The following METTL25 variants were observed in gnomAD, a reference collection of about 807,000 sequenced individuals.
The protein encoded by METTL25 is methyltransferase like 25, also known as probable methyltransferase-like protein 25.
A neutral mutation model predicts 71.6 loss-of-function variants in METTL25; 64 were observed. That is an observed-to-expected ratio of 0.89 (90% CI 0.73 to 1.10). The LOEUF is 1.10. METTL25 is among the 50% of genes least tolerant of loss of function. The probability of loss-of-function intolerance (pLI) is 0.00; values close to 1 mark genes in which losing one functional copy is unlikely to be tolerated. For missense variants in METTL25, 807 were observed against 707.0 expected (o/e 1.14, Z -1.60); for synonymous variants, 287 against 250.3 (o/e 1.15, Z -1.38).
chr12:82,358,966 C>G (rs756649192), intron 1 of METTL25, 142 bp downstream of exon 1: 6 of 800,026 alleles, frequency 7.5e-6, no homozygotes, highest in South Asian at 5.1e-5. Flanking sequence ...GAGGAGGGGT[C>G]GGATTAGTTG....
intron 8 of METTL25, among the ~76,000 whole-genome samples, chr12:82,456,440 T>G (rs1411106959): frequency 6.6e-6 from 1 of 151,976 alleles, no homozygotes; most frequent in Non-Finnish European, 1.5e-5. Context: ...TGGAAACTTT[T>G]GAAAGACCAA....
intron 9 of METTL25, among the ~76,000 whole-genome samples, chr12:82,459,368 C>T (rs1891705880): frequency 6.6e-6 from 1 of 152,166 alleles, no homozygotes; most frequent in Non-Finnish European, 1.5e-5. Context: ...TGGCTCACAC[C>T]TGTAATCCCA....
At chr12:82,422,900 T>C (rs773955222) in intron 5 of METTL25, among the ~76,000 whole-genome samples, 1 of 152,054 alleles carries the variant, frequency 6.6e-6, no homozygotes, top group Non-Finnish European at 1.5e-5. Context: ...TAAAAGAGGA[T>C]ACAAACAAAT....
rs545160060 is a variant in METTL25, at chr12:82,358,603, T to C, written c.38T>C (p.Leu13Pro). Residue 13 changes from leucine to proline, a missense_variant, in exon 1 of 12, where the codon CTG becomes CCG. By Grantham distance (98) the Leu-to-Pro change is moderately conservative. Coordinates refer to ENST00000248306, the MANE Select transcript of METTL25 (RefSeq NM_032230.3). ...ASCPLPVTPD[L>P]PTLRAKLQGL... is the part of the protein sequence containing the mutation. ...TGCCCTCTCCCGGTGACCCCGGACC[T>C]GCCCACGCTGCGTGCCAAGTTGCAG... 7.4e-6 allele frequency: 12 copies of C among 1,613,380 alleles called. No individual in the cohort carries two copies. The highest frequency in any genetic ancestry group is 1.0e-5 in the Non-Finnish European group (12 of 1,180,030).
At chr12:82,390,001 G>C in intron 3 of METTL25, 79 bp downstream of exon 3, 1 of 769,808 alleles carries the variant, frequency 1.3e-6, no homozygotes. Context: ...CCTTTTTACT[G>C]TCAGCTAGCC....
chr12:82,394,323 C>T (rs1457405407), intron 3 of METTL25, among the ~76,000 whole-genome samples: 1 of 151,852 alleles, frequency 6.6e-6, no homozygotes, highest in Non-Finnish European at 1.5e-5. Context: ...TTTTAAAATG[C>T]GATTTAATAA....
intron 5 of METTL25, among the ~76,000 whole-genome samples, chr12:82,410,815 C>T (rs114122501): frequency 0.013 from 2,005 of 152,094 alleles, 36 homozygotes; most frequent in African/African-American, 0.046. Context: ...CCAACTAATA[C>T]GGAAGCTGAT....
At chr12:82,399,750 T>G (rs1312618074) in intron 4 of METTL25, among the ~76,000 whole-genome samples, 1 of 152,184 alleles carries the variant, frequency 6.6e-6, no homozygotes, top group Non-Finnish European at 1.5e-5. Context: ...CAAAGTAATG[T>G]TCAATGTTAC....
At chr12:82,473,849 A>G (rs1400436301) in intron 9 of METTL25, among the ~76,000 whole-genome samples, 1 of 152,138 alleles carries the variant, frequency 6.6e-6, no homozygotes, top group Non-Finnish European at 1.5e-5. Context: ...AGTGACAGCC[A>G]ATCCTGGACC....
At chr12:82,433,535 T>C (rs1889685208) in intron 6 of METTL25, among the ~76,000 whole-genome samples, 1 of 151,666 alleles carries the variant, frequency 6.6e-6, no homozygotes, top group Non-Finnish European at 1.5e-5. Flanking sequence ...TTTCATGCAA[T>C]GAACTCTTTT....
At chr12:82,397,371 A>G (rs1239808759) in intron 3 of METTL25, among the ~76,000 whole-genome samples, 1 of 152,024 alleles carries the variant, frequency 6.6e-6, no homozygotes, top group African/African-American at 2.4e-5. Flanking sequence ...TTTATTCTAG[A>G]TATAAGTCCT....
chr12:82,361,563 G>A lies in METTL25; in HGVS notation c.259+2739G>A, dbSNP rs141233065. ...GGCTGCAGGTCTTGAGCCCTGCCCC[G>A]CAGGGAGGCAGCTGAGGCCCGGTGA... On this transcript the variant is annotated intron_variant, in intron 1 of 11. Coordinates refer to ENST00000248306, the MANE Select transcript of METTL25 (RefSeq NM_032230.3). Among the ~76,000 whole-genome samples, 1,508 of 152,292 alleles carry A rather than the reference G, an allele frequency of 9.9e-3. 24 individuals are homozygous for A. The highest frequency in any genetic ancestry group is 0.034 in the African/African-American group (1,422 of 41,566).
At chr12:82,371,486 G>A (rs2136859378) in intron 1 of METTL25, among the ~76,000 whole-genome samples, 1 of 152,284 alleles carries the variant, frequency 6.6e-6, no homozygotes, top group East Asian at 1.9e-4. Context: ...CGGGTGATTG[G>A]CCTGCTCCAT....
rs374731619 is a variant in METTL25, at chr12:82,479,016, C to G, written c.1804C>G (p.Gln602Glu). The G allele has an allele frequency of 1.2e-6, 2 of 1,611,774 alleles. No individual in the cohort carries two copies. Among genetic ancestry groups the G allele is most frequent in the Non-Finnish European group, 1.7e-6 (2 of 1,178,372 alleles). ...RCYAVIALKK[Q>E]Q The stretch of plus-strand genomic sequence containing the variant: ...TTATGCTGTTATTGCCCTGAAGAAG[C>G]AGCAGTGATTTCCATTGAAGCAAAT... The change falls in exon 12 of 12, where the codon CAG becomes GAG. Residue 602 changes from glutamine to glutamate, a missense_variant. Transcript: ENST00000248306.
In METTL25 at chr12:82,399,283, T is replaced by C. The variant is rs1886372722; in HGVS notation, c.1020T>C (p.Asn340=). ...CCAACAGAGAAACATCTGAAGCCAA[T>C]AAAGAGAGAAGAAAAATGACATCAA... ...QIPNRETSEA[N]KERRKMTSKS... Residue 340 remains asparagine, a synonymous_variant, in exon 4 of 12, where the codon AAT becomes AAC. Transcript: ENST00000248306. 1.9e-6 allele frequency: 3 copies of C among 1,613,560 alleles called. No homozygotes were observed. The highest frequency in any genetic ancestry group is 1.3e-5 in the African/African-American group (1 of 74,898).
chr12:82,417,626 TTGAG>T (rs1316692091), intron 5 of METTL25, among the ~76,000 whole-genome samples: 1 of 152,178 alleles, frequency 6.6e-6, no homozygotes, highest in Non-Finnish European at 1.5e-5. Context: ...AAAATATTTA[TTGAG>T]TGTCTACAAT....
intron 8 of METTL25, among the ~76,000 whole-genome samples, chr12:82,454,020 G>A (rs1891319991): frequency 1.3e-5 from 2 of 152,076 alleles, no homozygotes; most frequent in South Asian, 4.1e-4. Context: ...TGGTATACAT[G>A]TCTCTCCACT....
intron 1 of METTL25, among the ~76,000 whole-genome samples, chr12:82,366,697 A>G (rs1882614171): frequency 6.6e-6 from 1 of 152,188 alleles, no homozygotes; most frequent in African/African-American, 2.4e-5. Context: ...TTTGAAACAC[A>G]TGAAGGCAGA....
intron 9 of METTL25, among the ~76,000 whole-genome samples, chr12:82,463,946 T>TTGC (rs1449185105): frequency 3.2e-4 from 48 of 151,772 alleles, no homozygotes; most frequent in African/African-American, 1.1e-3. Flanking sequence ...GGGTTTGTTG[T>TTGC]TGTTGTTGTT....
Sources: allele counts gnomAD v4.1 joint callset (sites outside exome capture counted in the v4.1 genomes callset), GRCh38; gene constraint gnomAD v4.1.1; transcripts MANE v1.5; gene names NCBI Gene and HGNC (gene_info 2026-07-23, HGNC 2026-07-21).